Variants in UEVLD observed in about 807,000 individuals in gnomAD.
UEVLD encodes the protein ubiquitin-conjugating enzyme E2 variant 3.
Under a neutral mutation model 58.6 loss-of-function variants are expected in UEVLD, and 47 were observed. That is an observed-to-expected ratio of 0.80 (90% CI 0.63 to 1.02). The LOEUF is 1.02. UEVLD is among the 50% of genes least tolerant of loss of function. The pLI, the probability that UEVLD is intolerant of heterozygous loss-of-function variation, is 0.00. For missense variants in UEVLD, 510 were observed against 550.6 expected (o/e 0.93, Z 0.74); for synonymous variants, 197 against 195.3 (o/e 1.01, Z -0.07).
At chr11:18,574,336 C>T (rs1316166965) in intron 3 of UEVLD, among the ~76,000 whole-genome samples, 1 of 152,114 alleles carries the variant, frequency 6.6e-6, no homozygotes, top group South Asian at 2.1e-4. Flanking sequence ...TGAGATTTCA[C>T]CATGTTGGCC....
intron 11 of UEVLD, 38 bp from the exon 12 acceptor site, chr11:18,532,525 C>A (rs1243758509): frequency 5.4e-6 from 8 of 1,481,918 alleles, no homozygotes; most frequent in Middle Eastern, 1.8e-4. Context: ...AGAACTAAAT[C>A]ATTGCAAAGA....
At chr11:18,570,477 G>A (rs1020594712) in intron 3 of UEVLD, 100 bp from the exon 4 acceptor site, 26 of 1,152,928 alleles carry the variant, frequency 2.3e-5, no homozygotes, top group African/African-American at 3.3e-5. Context: ...CTGGGGTGGT[G>A]GCTGAAGCCT....
intron 2 of UEVLD, among the ~76,000 whole-genome samples, chr11:18,577,786 C>T (rs570568849): frequency 1.5e-3 from 232 of 150,152 alleles, no homozygotes; most frequent in African/African-American, 5.3e-3. Flanking sequence ...GCAGGAGAAT[C>T]GCTTGAACCT....
At chr11:18,570,072 A>G (rs1852516089) in intron 4 of UEVLD, 142 bp downstream of exon 4, 1 of 955,662 alleles carries the variant, frequency 1.0e-6, no homozygotes, top group Non-Finnish European at 1.5e-6. Context: ...TAGAGAGCTC[A>G]ATTTCAAATT....
chr11:18,583,861 A>ATGT (rs1341017249), intron 1 of UEVLD, among the ~76,000 whole-genome samples: 1 of 151,546 alleles, frequency 6.6e-6, no homozygotes, highest in East Asian at 1.9e-4. Context: ...AGGTTTCTCC[A>ATGT]TGTTGGTCAG....
intron 1 of UEVLD, among the ~76,000 whole-genome samples, chr11:18,583,642 T>TAC (rs1324759238): frequency 8.2e-6 from 1 of 122,306 alleles, no homozygotes; most frequent in Admixed American, 8.4e-5. Context: ...GGAATCTTTA[T>TAC]TAAGTCCAGT....
At chr11:18,563,761 T>C in intron 6 of UEVLD, 1 of 920,898 alleles carries the variant, frequency 1.1e-6, no homozygotes, top group Non-Finnish European at 1.3e-6. Flanking sequence ...TCCCAGCACT[T>C]TGGGAGGCCA....
Position 18,578,704 on chromosome 11 carries a change from C to A in UEVLD, c.127+20G>T. ...TAGTTCAAATAATGCAGCATTTAAACTAGAGGATATGATTCTTACCATAGG... is the reference window on the plus strand; with the variant it reads ...TAGTTCAAATAATGCAGCATTTAAAATAGAGGATATGATTCTTACCATAGG... On this transcript the variant is annotated intron_variant, in intron 2 of 11. Transcript: ENST00000396197. 6.4e-7 allele frequency: 1 copy of A among 1,560,576 alleles called. No homozygotes were observed. The highest frequency in any genetic ancestry group is 8.8e-7 in the Non-Finnish European group (1 of 1,141,844).
At chr11:18,564,645 T>C (rs1852208682) in intron 6 of UEVLD, among the ~76,000 whole-genome samples, 1 of 152,232 alleles carries the variant, frequency 6.6e-6, no homozygotes, top group South Asian at 2.1e-4. Flanking sequence ...GTCATATGAA[T>C]GTCAAATTGA....
At position 18,578,827 on chromosome 11, in the gene UEVLD, G is replaced by T. The variant is rs1172617362; in HGVS notation, c.43-19C>A. On this transcript the variant is annotated intron_variant, in intron 1 of 11. Coordinates refer to ENST00000396197, the MANE Select transcript of UEVLD (RefSeq NM_001040697.4). ...ACTTGTACTGAAAAGAGAAAAATAAGCATGGAGTAAGAATAAAGCTGTAAG... is the reference window on the plus strand; with the variant it reads ...ACTTGTACTGAAAAGAGAAAAATAATCATGGAGTAAGAATAAAGCTGTAAG... The T allele has an allele frequency of 2.0e-6, 3 of 1,525,658 alleles. No individual in the cohort carries two copies. The highest frequency in any genetic ancestry group is 2.7e-6 in the Non-Finnish European group (3 of 1,120,196). 94.5% of individuals were successfully genotyped at this position (1,525,658 alleles called of 1,614,324 possible). A position where few individuals can be genotyped will look rare whatever the true frequency, so the allele number is the denominator to read the frequency against.
Position 18,544,625 on chromosome 11 carries a change from T to C in UEVLD, c.1058A>G (p.Lys353Arg), listed in dbSNP as rs781366906. ...VWVIGEQGED[K>R]VLTWSGQEEV... ...CAGCCTAAAAACGTACTTCTTACCT[T>C]TGTCTTCTCCTTGCTCGCCAATAAC... is the stretch of plus-strand genomic sequence containing the variant. Residue 353 changes from lysine to arginine, a missense_variant and splice_region_variant, in exon 9 of 12, where the codon AAA becomes AGA. By Grantham distance (26) the Lys-to-Arg change is conservative (BLOSUM62 2). Transcript: ENST00000396197. The C allele has an allele frequency of 2.5e-6, 4 of 1,588,334 alleles. No homozygotes were observed. The highest frequency in any genetic ancestry group is 2.6e-6 in the Non-Finnish European group (3 of 1,171,100).
intron 6 of UEVLD, among the ~76,000 whole-genome samples, chr11:18,563,468 G>GT (rs1565128258): frequency 6.6e-6 from 1 of 152,130 alleles, no homozygotes; most frequent in Admixed American, 6.6e-5. Flanking sequence ...GCTGGCGCCT[G>GT]TAAGCCCAGC....
At chr11:18,565,408 A>G (rs1852246795) in intron 5 of UEVLD, among the ~76,000 whole-genome samples, 1 of 152,234 alleles carries the variant, frequency 6.6e-6, no homozygotes, top group East Asian at 1.9e-4. Context: ...AGATATTCTG[A>G]TCCAATATAT....
chr11:18,558,074 G>A (rs902079955), intron 7 of UEVLD, among the ~76,000 whole-genome samples, 154 bp downstream of exon 7: 3 of 152,152 alleles, frequency 2.0e-5, no homozygotes, highest in African/African-American at 7.2e-5. Flanking sequence ...GACTCTTTGG[G>A]TAAGTCATTT....
At chr11:18,565,709 C>T (rs1290081401) in intron 5 of UEVLD, among the ~76,000 whole-genome samples, 1 of 151,860 alleles carries the variant, frequency 6.6e-6, no homozygotes, top group Non-Finnish European at 1.5e-5. Context: ...GTCCCAGCAA[C>T]ATGGGAGGAT....
intron 7 of UEVLD, among the ~76,000 whole-genome samples, chr11:18,552,584 G>A (rs1851573823): frequency 2.0e-5 from 3 of 151,432 alleles, no homozygotes; most frequent in South Asian, 4.2e-4. Flanking sequence ...AAATTAGGCT[G>A]GTCACGGTGG....
At position 18,532,215 on chromosome 11, in the gene UEVLD, A is replaced by G; in HGVS notation, c.*105T>C. 4 of 1,113,432 alleles carry G rather than the reference A, an allele frequency of 3.6e-6. No individual in the cohort carries two copies. Among genetic ancestry groups the G allele is most frequent in the Non-Finnish European group, 4.9e-6 (4 of 815,234 alleles). The allele number at this position is 1,113,432 out of a possible 1,614,324, so 69.0% of individuals were successfully genotyped here. ...CCTCTACTTTAACCAAGCAGTTTGT[A>G]AAAGTAAGTAGCAGGATACAGAAAT... On this transcript the variant is annotated 3_prime_UTR_variant, in exon 12 of 12. Coordinates refer to ENST00000396197, the MANE Select transcript of UEVLD (RefSeq NM_001040697.4).
At chr11:18,557,960 G>A (rs1308475052) in intron 7 of UEVLD, among the ~76,000 whole-genome samples, 1 of 152,046 alleles carries the variant, frequency 6.6e-6, no homozygotes, top group Non-Finnish European at 1.5e-5. Context: ...TTATTTTGAG[G>A]TATAAGTCAA....
At chr11:18,537,326 T>TA (rs1242275258) in intron 9 of UEVLD, among the ~76,000 whole-genome samples, 7,941 of 105,020 alleles carry the variant, frequency 0.076, 291 homozygotes, top group African/African-American at 0.14. Context: ...ATATATATAT[T>TA]TTTTTTTTTT....
Sources: allele counts gnomAD v4.1 joint callset (sites outside exome capture counted in the v4.1 genomes callset), GRCh38; gene constraint gnomAD v4.1.1; transcripts MANE v1.5; gene names NCBI Gene and HGNC (gene_info 2026-07-23, HGNC 2026-07-21).